SAMD5: variants seen among roughly 807,000 people sequenced by gnomAD.
SAMD5 encodes sterile alpha motif domain containing 5, also known as sterile alpha motif domain-containing protein 5.
SAMD5 carries 13 observed loss-of-function variants against 11.3 expected under a neutral mutation model. The observed-to-expected ratio is 1.15, with a 90% confidence interval of 0.75 to 1.83. The LOEUF is 1.83. SAMD5 is among the 40% of genes most tolerant of loss of function. The probability of loss-of-function intolerance (pLI) is 0.00; values close to 1 mark genes in which losing one functional copy is unlikely to be tolerated. For synonymous variants in SAMD5, 129 were observed against 111.3 expected (o/e 1.16, Z -1.00); for missense variants, 255 against 239.1 (o/e 1.07, Z -0.44).
chr6:147,799,970 C>T, the SAMD5 span, among the ~76,000 whole-genome samples: 1 of 151,918 alleles, frequency 6.6e-6, no homozygotes, highest in African/African-American at 2.4e-5. Flanking sequence ...ATACATTCTT[C>T]TAAATTTTTG....
the SAMD5 span, among the ~76,000 whole-genome samples, chr6:147,912,746 T>C: frequency 6.6e-6 from 1 of 151,824 alleles, no homozygotes; most frequent in South Asian, 2.1e-4. Flanking sequence ...TGGAAAAAAA[T>C]GGTATGAGAA....
chr6:147,660,238 A>G (rs1007459080), intron 1 of SAMD5, among the ~76,000 whole-genome samples: 11 of 152,162 alleles, frequency 7.2e-5, no homozygotes, highest in Non-Finnish European at 1.6e-4. Context: ...CATCTCCTAT[A>G]TCTCTTCATA....
At chr6:147,871,783 C>T in the SAMD5 span, among the ~76,000 whole-genome samples, 25,452 of 152,074 alleles carry the variant, frequency 0.17, 3,312 homozygotes, top group African/African-American at 0.36. Flanking sequence ...GTTCAAAAAT[C>T]TGTCAGTTTT....
At chr6:147,834,238 C>T in the SAMD5 span, among the ~76,000 whole-genome samples, 22 of 151,866 alleles carry the variant, frequency 1.4e-4, no homozygotes, top group Non-Finnish European at 2.5e-4. Flanking sequence ...TGAGTTATAG[C>T]ATATGAAGTA....
At chr6:147,865,049 T>C in the SAMD5 span, among the ~76,000 whole-genome samples, 4 of 152,200 alleles carry the variant, frequency 2.6e-5, no homozygotes, top group Non-Finnish European at 4.4e-5. Context: ...GGAAGTAAAA[T>C]ATATTGCTTC....
the SAMD5 span, among the ~76,000 whole-genome samples, chr6:147,777,798 GT>G: frequency 2.0e-5 from 3 of 152,124 alleles, no homozygotes; most frequent in African/African-American, 7.2e-5. Context: ...ATTTCACTTA[GT>G]ATAATGTATT....
intron 1 of SAMD5, among the ~76,000 whole-genome samples, chr6:147,616,396 A>G (rs2128449661): frequency 6.6e-6 from 1 of 151,686 alleles, no homozygotes; most frequent in Middle Eastern, 3.5e-3. Flanking sequence ...TAGGTGCTCA[A>G]TAAATGTTCC....
the SAMD5 span, among the ~76,000 whole-genome samples, chr6:147,913,874 T>C: frequency 6.6e-6 from 1 of 152,250 alleles, no homozygotes; most frequent in East Asian, 1.9e-4. Context: ...AGCAAGTGTG[T>C]GGGTGCATGT....
At chr6:147,536,971 A>T (rs1788520422) in intron 1 of SAMD5, among the ~76,000 whole-genome samples, 1 of 152,086 alleles carries the variant, frequency 6.6e-6, no homozygotes, top group Non-Finnish European at 1.5e-5. Context: ...ATTATTTTTT[A>T]AAGAGGACCA....
chr6:147,740,304 G>T (rs1791861892), downstream of SAMD5, among the ~76,000 whole-genome samples: 2 of 152,054 alleles, frequency 1.3e-5, no homozygotes, highest in Non-Finnish European at 2.9e-5. Context: ...TCAAATATCT[G>T]GGGGTGAGAG....
chr6:147,749,182 T>C, the SAMD5 span, among the ~76,000 whole-genome samples: 37 of 151,792 alleles, frequency 2.4e-4, no homozygotes, highest in African/African-American at 8.7e-4. Flanking sequence ...GTTTTTTTTT[T>C]TTTTTGAGAC....
chr6:147,899,189 A>AAAAAAAAAAAAAAAAAG, the SAMD5 span, among the ~76,000 whole-genome samples: 62 of 123,438 alleles, frequency 5.0e-4, 3 homozygotes, highest in African/African-American at 1.5e-3. Flanking sequence ...AAAAAAAAAA[A>AAAAAAAAAAAAAAAAAG]AAAAGATAAC....
At chr6:147,526,057 G>T (rs1788334291) in intron 1 of SAMD5, among the ~76,000 whole-genome samples, 1 of 152,046 alleles carries the variant, frequency 6.6e-6, no homozygotes, top group Non-Finnish European at 1.5e-5. Flanking sequence ...TCTTCAAATA[G>T]CCTGCTAGAA....
the SAMD5 span, among the ~76,000 whole-genome samples, chr6:147,853,847 T>C: frequency 6.6e-6 from 1 of 152,214 alleles, no homozygotes; most frequent in African/African-American, 2.4e-5. Context: ...TTATCATTAA[T>C]AGTCCTTACT....
chr6:147,877,847 TACACACACAC>T, the SAMD5 span, among the ~76,000 whole-genome samples: 192 of 113,130 alleles, frequency 1.7e-3, 2 homozygotes, highest in Non-Finnish European at 2.9e-4. Context: ...TTTATATAAA[TACACACACAC>T]ACACACACAC....
At chr6:147,538,761 A>C (rs1462073766) in intron 1 of SAMD5, among the ~76,000 whole-genome samples, 1 of 152,242 alleles carries the variant, frequency 6.6e-6, no homozygotes, top group Admixed American at 6.5e-5. Context: ...CATTTAGACC[A>C]AATGTTTACA....
the SAMD5 span, among the ~76,000 whole-genome samples, chr6:147,876,765 A>G: frequency 0.3 from 45,050 of 152,056 alleles, 6,805 homozygotes; most frequent in Non-Finnish European, 0.32. Context: ...TCCTATTTTC[A>G]CTTATTTCTG....
At chr6:147,657,697 T>C (rs1790591273) in intron 1 of SAMD5, among the ~76,000 whole-genome samples, 2 of 152,200 alleles carry the variant, frequency 1.3e-5, no homozygotes, top group Admixed American at 6.5e-5. Context: ...GAGGGCCTGC[T>C]TGCTGGTTCA....
chr6:147,624,904 C>G (rs1171921381), intron 1 of SAMD5, among the ~76,000 whole-genome samples: 2 of 151,426 alleles, frequency 1.3e-5, no homozygotes, highest in Non-Finnish European at 2.9e-5. Context: ...TATTAAAAAA[C>G]TAAAACATGG....
Sources: gnomAD v4.1 joint callset for allele counts (sites outside exome capture counted in the v4.1 genomes callset) on GRCh38, gnomAD v4.1.1 for gene constraint, MANE v1.5 for transcripts, NCBI Gene and HGNC (gene_info 2026-07-23, HGNC 2026-07-21) for gene names.